TET1: variants seen among roughly 807,000 people sequenced by gnomAD.
TET1 encodes methylcytosine dioxygenase TET1.
TET1 carries 13 observed loss-of-function variants against 148.7 expected under a neutral mutation model. The observed-to-expected ratio is 0.09, with a 90% confidence interval of 0.06 to 0.14. The LOEUF is 0.14. Among genes scored for constraint, TET1 ranks in the 10% least tolerant of loss-of-function variants. TET1 has a pLI of 1.00. For missense variants in TET1, 2,182 were observed against 2,553.8 expected (o/e 0.85, Z 3.14); for synonymous variants, 907 against 937.2 (o/e 0.97, Z 0.59).
intron 8 of TET1, among the ~76,000 whole-genome samples, chr10:68,673,935 C>CT (rs11381293): frequency 0.5 from 60,214 of 119,958 alleles, 15,040 homozygotes; most frequent in African/African-American, 0.68. Flanking sequence ...CTTTCTTTTT[C>CT]TTTTTTTTTT....
chr10:68,690,988 T>G lies in TET1; in HGVS notation c.5585T>G (p.Leu1862Arg), dbSNP rs1377853026. 6.2e-7 allele frequency: 1 copy of G among 1,614,166 alleles called. No homozygotes were observed. The highest frequency in any genetic ancestry group is 8.5e-7 in the Non-Finnish European group (1 of 1,180,014). ...PKTASATPAPLKNDATASCGF... is the reference protein window; with the variant it reads ...PKTASATPAPRKNDATASCGF... ...ACTGCTTCAGCCACACCAGCTCCAC[T>G]GAAGAATGACGCAACAGCCTCATGC... Residue 1862 changes from leucine (L) to arginine (R), a missense_variant, in exon 12 of 12, where the codon CTG becomes CGG. By Grantham distance (102) the Leu-to-Arg change is moderately radical. Around this residue, in one of 11 missense-constraint regions of TET1, gnomAD observed 380 missense variants for 387.9 expected, o/e 0.98. Coordinates refer to ENST00000373644, the MANE Select transcript of TET1 (RefSeq NM_030625.3).
At position 68,573,351 on chromosome 10, in the gene TET1, C is replaced by A. The variant is rs748989369; in HGVS notation, c.1013C>A (p.Thr338Asn). The A allele has an allele frequency of 2.5e-6, 4 of 1,614,116 alleles. No individual in the cohort carries two copies. The highest frequency in any genetic ancestry group is 3.4e-6 in the Non-Finnish European group (4 of 1,180,014). Reference sequence around the variant, plus strand: ...CTCTTGGCAGGCTCAAAACAAGCGACCCTTGGTGCTAAACCAGATCATCAA... The same window carrying A: ...CTCTTGGCAGGCTCAAAACAAGCGAACCTTGGTGCTAAACCAGATCATCAA... ...KFLLAGSKQA[T>N]LGAKPDHQEA... Residue 338 changes from threonine (T) to asparagine (N), a missense_variant, in exon 2 of 12, where the codon ACC becomes AAC. Physicochemically the swap from Thr to Asn is moderately conservative, Grantham distance 65. Transcript: ENST00000373644.
Position 68,652,544 on chromosome 10 carries a change from T to G in TET1, c.4411T>G (p.Tyr1471Asp). The G allele has an allele frequency of 6.2e-7, 1 of 1,613,344 alleles. No homozygotes were observed. Reference sequence around the variant, plus strand: ...CGCAATAAGGATAGAAATAGTAGTGTACACCGGTAAAGAAGGGAAAAGCTC... The same window carrying G: ...CGCAATAAGGATAGAAATAGTAGTGGACACCGGTAAAGAAGGGAAAAGCTC... ...GNAIRIEIVV[Y>D]TGKEGKSSHG... The change falls in exon 6 of 12, where the codon TAC (tyrosine) becomes GAC (aspartate). Residue 1471 changes from tyrosine to aspartate, a missense_variant. Transcript: ENST00000373644.
At chr10:68,650,870 C>T (rs546793953) in intron 4 of TET1, among the ~76,000 whole-genome samples, 3 of 152,158 alleles carry the variant, frequency 2.0e-5, no homozygotes, top group South Asian at 2.1e-4. Flanking sequence ...TGCAGAAATA[C>T]GACGCAAACA....
intron 3 of TET1, among the ~76,000 whole-genome samples, chr10:68,616,543 T>G (rs1280219209): frequency 6.6e-6 from 1 of 150,640 alleles, no homozygotes; most frequent in Non-Finnish European, 1.5e-5. Context: ...TTTTGAGAAT[T>G]TTTTTTTTTA....
intron 6 of TET1, among the ~76,000 whole-genome samples, chr10:68,654,828 T>C (rs2054998444): frequency 6.6e-6 from 1 of 152,146 alleles, no homozygotes; most frequent in Non-Finnish European, 1.5e-5. Flanking sequence ...CATAGGCTCC[T>C]ATGAGGATGC....
At chr10:68,565,479 T>A (rs199522819) in intron 1 of TET1, among the ~76,000 whole-genome samples, 21,853 of 88,806 alleles carry the variant, frequency 0.25, 1,780 homozygotes, top group Middle Eastern at 0.3. Flanking sequence ...AAAAAAAATA[T>A]ATATATATAT....
chr10:68,568,717 G>A (rs1029626441), intron 1 of TET1, among the ~76,000 whole-genome samples: 1 of 152,198 alleles, frequency 6.6e-6, no homozygotes, highest in Non-Finnish European at 1.5e-5. Flanking sequence ...CTGGCGTGGT[G>A]GCACATGCCT....
intron 3 of TET1, among the ~76,000 whole-genome samples, chr10:68,615,740 C>A (rs972154507): frequency 6.6e-6 from 1 of 152,122 alleles, no homozygotes; most frequent in Non-Finnish European, 1.5e-5. Flanking sequence ...CTCACCGTAA[C>A]CTCTGTCTCC....
At chr10:68,579,721 T>A (rs184863539) in intron 2 of TET1, among the ~76,000 whole-genome samples, 1 of 152,334 alleles carries the variant, frequency 6.6e-6, no homozygotes, top group Admixed American at 6.5e-5. Flanking sequence ...CTAGATTCAT[T>A]AGCAGGGAAT....
chr10:68,586,080 C>T (rs2053857822), intron 2 of TET1, among the ~76,000 whole-genome samples: 1 of 151,906 alleles, frequency 6.6e-6, no homozygotes, highest in African/African-American at 2.4e-5. Context: ...ATGGTCATAG[C>T]TCACTGTAAC....
chr10:68,675,093 C>A, intron 8 of TET1: 1 of 567,266 alleles, frequency 1.8e-6, no homozygotes, highest in Non-Finnish European at 2.8e-6. Flanking sequence ...ACCACTAGTC[C>A]AAGAATCTGT....
intron 6 of TET1, among the ~76,000 whole-genome samples, chr10:68,665,236 T>A (rs970838295): frequency 2.0e-5 from 3 of 151,534 alleles, no homozygotes; most frequent in African/African-American, 7.3e-5. Flanking sequence ...GGGGTCAAGA[T>A]TCATTTTCTT....
At chr10:68,664,028 T>C (rs1421368493) in intron 6 of TET1, among the ~76,000 whole-genome samples, 1 of 152,092 alleles carries the variant, frequency 6.6e-6, no homozygotes, top group East Asian at 1.9e-4. Context: ...AGATGGAGTC[T>C]TGCTCCCATC....
At chr10:68,653,845 G>A (rs1225357986) in intron 6 of TET1, among the ~76,000 whole-genome samples, 3 of 152,066 alleles carry the variant, frequency 2.0e-5, no homozygotes, top group Admixed American at 6.6e-5. Flanking sequence ...GGTGGCTCAC[G>A]CCTGTAATCC....
chr10:68,584,766 AGT>A (rs1448296143), intron 2 of TET1, among the ~76,000 whole-genome samples: 21 of 152,096 alleles, frequency 1.4e-4, no homozygotes, highest in African/African-American at 5.1e-4. Flanking sequence ...TTCCATATGC[AGT>A]ATACTATAGC....
intron 9 of TET1, among the ~76,000 whole-genome samples, chr10:68,682,090 ACT>A (rs2055443087): frequency 1.2e-5 from 1 of 86,028 alleles, no homozygotes; most frequent in African/African-American, 4.2e-5. Flanking sequence ...TTATTGATCT[ACT>A]CTTTTTTTTT....
intron 2 of TET1, among the ~76,000 whole-genome samples, chr10:68,588,969 A>G (rs1227243446): frequency 6.6e-6 from 1 of 151,986 alleles, no homozygotes; most frequent in Non-Finnish European, 1.5e-5. Flanking sequence ...CAAAAAATGC[A>G]GGAATTAGCT....
chr10:68,663,366 T>C (rs1375311969), intron 6 of TET1, among the ~76,000 whole-genome samples: 1 of 152,198 alleles, frequency 6.6e-6, no homozygotes, highest in African/African-American at 2.4e-5. Flanking sequence ...CATCTTTCTG[T>C]TTTTTAACAA....
Sources: gnomAD v4.1 joint callset for allele counts (sites outside exome capture counted in the v4.1 genomes callset) on GRCh38, gnomAD v4.1.1 for gene constraint, gnomAD v4.1.1 regional missense constraint, MANE v1.5 for transcripts, NCBI Gene and HGNC (gene_info 2026-07-23, HGNC 2026-07-21) for gene names.